RBFOX1: variants seen among roughly 807,000 people sequenced by gnomAD.
RBFOX1 encodes RNA binding protein fox-1 homolog 1.
In RBFOX1, 8 loss-of-function variants were observed where a neutral mutation model predicts 57.7. That is an observed-to-expected ratio of 0.14 (90% CI 0.08 to 0.25). The LOEUF is 0.25. RBFOX1 is among the 10% of genes least tolerant of loss of function. The probability of loss-of-function intolerance (pLI) is 1.00; values close to 1 mark genes in which losing one functional copy is unlikely to be tolerated. For synonymous variants in RBFOX1, 326 were observed against 222.4 expected, an observed-to-expected ratio of 1.47 and a Z score of -4.15; for missense variants, 611 against 548.5, an observed-to-expected ratio of 1.11 and a Z score of -1.14.
At chr16:6,831,777 T>G (rs777079923) in intron 3 of RBFOX1, among the ~76,000 whole-genome samples, 7 of 152,166 alleles carry the variant, frequency 4.6e-5, no homozygotes, top group Non-Finnish European at 5.9e-5. Context: ...TCCACATCTT[T>G]GGGAAGGAGG....
At chr16:6,851,574 G>T (rs750750769) in intron 3 of RBFOX1, among the ~76,000 whole-genome samples, 1 of 152,054 alleles carries the variant, frequency 6.6e-6, no homozygotes, top group South Asian at 2.1e-4. Context: ...CTGCCAAATT[G>T]TAAGAGCTTT....
intron 4 of RBFOX1, among the ~76,000 whole-genome samples, chr16:7,177,628 C>T (rs928116301): frequency 9.9e-5 from 15 of 152,144 alleles, no homozygotes; most frequent in African/African-American, 3.6e-4. Flanking sequence ...CCTATCTGAG[C>T]AAATTGCATT....
At chr16:6,757,363 T>A (rs1256088603) in intron 3 of RBFOX1, among the ~76,000 whole-genome samples, 1 of 152,164 alleles carries the variant, frequency 6.6e-6, no homozygotes, top group Non-Finnish European at 1.5e-5. Context: ...ACTGCAGCAT[T>A]ATTTACAATA....
intron 4 of RBFOX1, among the ~76,000 whole-genome samples, chr16:7,081,402 T>C (rs1449978091): frequency 6.6e-6 from 1 of 152,168 alleles, no homozygotes; most frequent in Non-Finnish European, 1.5e-5. Flanking sequence ...TTTGTGTGTT[T>C]GTGTCCTAAA....
At chr16:5,702,460 C>A (rs950620588) in intron 3 of RBFOX1, among the ~76,000 whole-genome samples, 2 of 152,152 alleles carry the variant, frequency 1.3e-5, no homozygotes, top group African/African-American at 4.8e-5. Flanking sequence ...AAATCCAAAC[C>A]ATATCACCTT....
chr16:6,706,204 C>T (rs28581762), intron 3 of RBFOX1, among the ~76,000 whole-genome samples: 13,919 of 152,172 alleles, frequency 0.091, 747 homozygotes, highest in African/African-American at 0.14. Flanking sequence ...CCCTAAATTC[C>T]TCTCCTTAGG....
intron 3 of RBFOX1, among the ~76,000 whole-genome samples, chr16:6,765,638 C>A (rs2077219129): frequency 6.6e-6 from 1 of 152,158 alleles, no homozygotes; most frequent in African/African-American, 2.4e-5. Context: ...ACAGCAATCA[C>A]TCTACCCAAT....
chr16:5,622,510 T>C (rs1378586120), intron 3 of RBFOX1, among the ~76,000 whole-genome samples: 2 of 152,256 alleles, frequency 1.3e-5, no homozygotes, highest in Non-Finnish European at 2.9e-5. Flanking sequence ...CGTTCATGCC[T>C]GTGGAATTTT....
intron 3 of RBFOX1, among the ~76,000 whole-genome samples, chr16:6,783,265 C>T (rs1007885746): frequency 2.0e-5 from 3 of 151,018 alleles, no homozygotes; most frequent in African/African-American, 7.3e-5. Flanking sequence ...GACTTACTAC[C>T]GCCATTTAGT....
intron 1 of RBFOX1, among the ~76,000 whole-genome samples, chr16:6,064,850 C>G (rs1424837122): frequency 6.6e-6 from 1 of 151,994 alleles, no homozygotes; most frequent in Admixed American, 6.6e-5. Flanking sequence ...CCAAACCTGA[C>G]ATTGTATTTG....
At chr16:7,131,450 C>T (rs1348325057) in intron 4 of RBFOX1, among the ~76,000 whole-genome samples, 1 of 142,518 alleles carries the variant, frequency 7.0e-6, no homozygotes, top group African/African-American at 2.6e-5. Flanking sequence ...ACATCTCTTG[C>T]TTCTGCTCCG....
intron 1 of RBFOX1, among the ~76,000 whole-genome samples, chr16:5,364,587 C>G (rs551193129): frequency 9.8e-4 from 150 of 152,326 alleles, no homozygotes; most frequent in African/African-American, 3.2e-3. Context: ...CATTCTCTAT[C>G]TAAAAATCTC....
chr16:6,826,340 C>A (rs562783910), intron 3 of RBFOX1, among the ~76,000 whole-genome samples: 54 of 152,182 alleles, frequency 3.5e-4, no homozygotes, highest in African/African-American at 1.3e-3. Flanking sequence ...TGGGGAGACC[C>A]CCTTCTTATT....
At chr16:6,915,210 T>A (rs1397341327) in intron 3 of RBFOX1, among the ~76,000 whole-genome samples, 1 of 152,156 alleles carries the variant, frequency 6.6e-6, no homozygotes, top group African/African-American at 2.4e-5. Flanking sequence ...ACCCACTCCC[T>A]TGTTCTCCTA....
At chr16:7,268,481 C>G (rs188677253) in intron 4 of RBFOX1, among the ~76,000 whole-genome samples, 5 of 152,148 alleles carry the variant, frequency 3.3e-5, no homozygotes, top group Non-Finnish European at 7.3e-5. Flanking sequence ...TCAGGAGTGC[C>G]TGACACTCCT....
At chr16:5,390,016 A>G (rs180804681) in intron 1 of RBFOX1, among the ~76,000 whole-genome samples, 5 of 152,176 alleles carry the variant, frequency 3.3e-5, no homozygotes, top group Non-Finnish European at 4.4e-5. Flanking sequence ...CTTTTTAAAA[A>G]TAGGGCTGTA....
At position 5,505,521 on chromosome 16, in the gene RBFOX1, A is replaced by G. The variant is rs186070790; in HGVS notation, c.258+38267A>G. Among the ~76,000 whole-genome samples the G allele has an allele frequency of 2.2e-4, 33 of 152,290 alleles. No homozygotes were observed. The East Asian group carries it at 5.6e-3, about 26-fold the overall frequency. On this transcript the variant is annotated intron_variant, in intron 2 of 2. Coordinates refer to the RBFOX1 transcript ENST00000585867. ...ATGTGGGTGGGCAGAGAGTCCCACC[A>G]GAAGCCCTGTCTCCTGCAGCCCCTC...
chr16:6,128,905 A>G (rs1420418951), intron 1 of RBFOX1, among the ~76,000 whole-genome samples: 2 of 152,212 alleles, frequency 1.3e-5, no homozygotes, highest in African/African-American at 4.8e-5. Flanking sequence ...ACTAAGTTCC[A>G]GTTTCACTAG....
intron 4 of RBFOX1, among the ~76,000 whole-genome samples, chr16:6,007,395 C>A (rs1254950003): frequency 6.6e-6 from 1 of 152,202 alleles, no homozygotes; most frequent in Non-Finnish European, 1.5e-5. Context: ...CCCCAAGGAA[C>A]TGAATCCTGC....
Sources: allele counts gnomAD v4.1 joint callset (sites outside exome capture counted in the v4.1 genomes callset), GRCh38; gene constraint gnomAD v4.1.1; transcripts MANE v1.5; gene names NCBI Gene and HGNC (gene_info 2026-07-23, HGNC 2026-07-21).